Variants in RAB6B observed in about 807,000 individuals in gnomAD.
RAB6B encodes the protein ras-related protein Rab-6B.
In RAB6B, 7 loss-of-function variants were observed where a neutral mutation model predicts 31.2. The observed-to-expected ratio is 0.22, with a 90% CI of 0.13 to 0.42. RAB6B has a LOEUF of 0.42. Among genes scored for constraint, RAB6B ranks in the 10% least tolerant of loss-of-function variants. The pLI is 1.00. For missense variants in RAB6B, 149 were observed against 280.6 expected (o/e 0.53, Z 3.35); for synonymous variants, 105 against 104.9 (o/e 1.00, Z -0.01).
intron 1 of RAB6B, chr3:133,885,409 C>T (rs963500137): frequency 1.4e-6 from 1 of 697,460 alleles, no homozygotes; most frequent in Non-Finnish European, 2.6e-6. Context: ...GCTGCTCACA[C>T]ACTAATGATC....
chr3:133,829,000 C>T (rs2107984023), intron 7 of RAB6B, 148 bp from the exon 8 acceptor site: 3 of 679,502 alleles, frequency 4.4e-6, no homozygotes, highest in African/African-American at 1.9e-5. Context: ...AGGAAGGATG[C>T]AATACCAACT....
intron 2 of RAB6B, among the ~76,000 whole-genome samples, chr3:133,859,779 C>T (rs549230336): frequency 6.6e-6 from 1 of 152,310 alleles, no homozygotes; most frequent in Admixed American, 6.5e-5. Context: ...CTCAGAAGGG[C>T]AAGATCACTG....
chr3:133,860,014 C>T (rs766396689), intron 2 of RAB6B, among the ~76,000 whole-genome samples: 4 of 152,070 alleles, frequency 2.6e-5, no homozygotes, highest in South Asian at 4.2e-4. Flanking sequence ...GCAGGAGGCA[C>T]GTGAAGGGCC....
At chr3:133,855,032 G>A (rs1339756308) in intron 2 of RAB6B, among the ~76,000 whole-genome samples, 1 of 152,260 alleles carries the variant, frequency 6.6e-6, no homozygotes, top group Non-Finnish European at 1.5e-5. Context: ...GGCCAGGCCT[G>A]GGCCCAGGGC....
chr3:133,829,058 G>C (rs116706727), intron 7 of RAB6B, among the ~76,000 whole-genome samples: 99 of 152,200 alleles, frequency 6.5e-4, no homozygotes, highest in African/African-American at 2.3e-3. Context: ...CCCAGCGCCT[G>C]TCCACCCAAG....
At chr3:133,841,904 A>G (rs1935841168) in intron 2 of RAB6B, among the ~76,000 whole-genome samples, 2 of 152,156 alleles carry the variant, frequency 1.3e-5, no homozygotes, top group South Asian at 4.1e-4. Flanking sequence ...GGAGAGGGCA[A>G]GTGCTTCAGA....
intron 1 of RAB6B, among the ~76,000 whole-genome samples, chr3:133,893,962 T>A (rs1936671546): frequency 6.6e-6 from 1 of 152,234 alleles, no homozygotes; most frequent in South Asian, 2.1e-4. Context: ...ATGCCCAGCC[T>A]GTCCCCCAAA....
intron 2 of RAB6B, among the ~76,000 whole-genome samples, chr3:133,842,349 A>C (rs899736420): frequency 9.2e-5 from 14 of 152,222 alleles, no homozygotes; most frequent in African/African-American, 3.4e-4. Context: ...GCCAGGACCC[A>C]CCACTCACTT....
Position 133,826,078 on chromosome 3 carries a change from G to C in RAB6B, c.*2710C>G, listed in dbSNP as rs890649450. The C allele has an allele frequency of 6.6e-6, 1 of 152,290 alleles. No homozygotes were observed. The highest frequency in any genetic ancestry group is 1.5e-5 in the Non-Finnish European group (1 of 68,096). 9.4% of individuals were successfully genotyped at this position (152,290 alleles called of 1,614,324 possible). A position where few individuals can be genotyped will look rare whatever the true frequency, so the allele number is the denominator to read the frequency against. Reference sequence around the variant, plus strand: ...CAGGGAACCAACAACTTCTGAAAAAGAGGTCTGGCTGCCTTTCCACACCCC... The same window carrying C: ...CAGGGAACCAACAACTTCTGAAAAACAGGTCTGGCTGCCTTTCCACACCCC... On this transcript the variant is annotated 3_prime_UTR_variant, in exon 8 of 8. Transcript: ENST00000285208.
chr3:133,834,549 A>G (rs1394342469), intron 7 of RAB6B, 26 bp downstream of exon 7: 5 of 1,592,528 alleles, frequency 3.1e-6, no homozygotes. Context: ...ACATCTTTTC[A>G]CTCACTTGTC....
intron 1 of RAB6B, among the ~76,000 whole-genome samples, chr3:133,881,587 C>T (rs879712929): frequency 2.6e-5 from 4 of 152,194 alleles, no homozygotes; most frequent in Admixed American, 1.3e-4. Flanking sequence ...CAGAAAATCA[C>T]GTCATGGCAA....
chr3:133,864,556 T>C (rs199602469), intron 2 of RAB6B, 28 bp downstream of exon 2: 6 of 1,606,442 alleles, frequency 3.7e-6, no homozygotes, highest in Non-Finnish European at 4.3e-6. Context: ...TGCCAGATGA[T>C]ATGGAGGGTG....
chr3:133,869,612 T>A (rs1341703129), intron 1 of RAB6B, among the ~76,000 whole-genome samples: 1 of 152,222 alleles, frequency 6.6e-6, no homozygotes, highest in Non-Finnish European at 1.5e-5. Context: ...TGACATTCCA[T>A]CAGGGGGTGA....
chr3:133,857,094 T>C (rs935931921), intron 2 of RAB6B, among the ~76,000 whole-genome samples: 7 of 152,280 alleles, frequency 4.6e-5, no homozygotes, highest in Admixed American at 4.6e-4. Flanking sequence ...CTGTGGAAAG[T>C]TGTCATTTGT....
At chr3:133,847,418 C>A (rs1488034893) in intron 2 of RAB6B, among the ~76,000 whole-genome samples, 2 of 152,236 alleles carry the variant, frequency 1.3e-5, no homozygotes, top group African/African-American at 4.8e-5. Context: ...CCTCTTGGCA[C>A]TGGCCTTCTC....
At chr3:133,891,625 C>T (rs540252750) in intron 1 of RAB6B, among the ~76,000 whole-genome samples, 47 of 152,226 alleles carry the variant, frequency 3.1e-4, no homozygotes, top group Non-Finnish European at 4.9e-4. Context: ...CAGGAATACG[C>T]TCAAAGAATA....
chr3:133,856,365 G>A (rs865861821), intron 2 of RAB6B, among the ~76,000 whole-genome samples: 3 of 151,822 alleles, frequency 2.0e-5, no homozygotes, highest in African/African-American at 4.8e-5. Flanking sequence ...TGCTGTCGTG[G>A]CCCATGGGTT....
intron 1 of RAB6B, chr3:133,885,746 A>G (rs1936536420): frequency 3.2e-6 from 2 of 622,846 alleles, no homozygotes; most frequent in Non-Finnish European, 5.8e-6. Context: ...GCAGAGAGAG[A>G]CAATAGTCCC....
At chr3:133,875,145 G>T (rs1936374122) in intron 1 of RAB6B, among the ~76,000 whole-genome samples, 1 of 152,052 alleles carries the variant, frequency 6.6e-6, no homozygotes, top group Non-Finnish European at 1.5e-5. Flanking sequence ...TAATCTTATG[G>T]GACAACCTTC....
Sources: gnomAD v4.1 joint callset for allele counts (sites outside exome capture counted in the v4.1 genomes callset) on GRCh38, gnomAD v4.1.1 for gene constraint, MANE v1.5 for transcripts, NCBI Gene and HGNC (gene_info 2026-07-23, HGNC 2026-07-21) for gene names.